The following BCR variants were observed in gnomAD, a reference collection of about 807,000 sequenced individuals.
BCR encodes breakpoint cluster region protein.
BCR carries 58 observed loss-of-function variants against 138.6 expected under a neutral mutation model. That is an observed-to-expected ratio of 0.42 (90% confidence interval 0.34 to 0.52). BCR has a LOEUF of 0.52. Among genes scored for constraint, BCR ranks in the 20% least tolerant of loss-of-function variants. The pLI, the probability that BCR is intolerant of heterozygous loss-of-function variation, is 0.06. For synonymous variants in BCR, 786 were observed against 730.1 expected (o/e 1.08, Z -1.23); for missense variants, 1,599 against 1,727.2 (o/e 0.93, Z 1.32).
chr22:23,238,775 C>T (rs185675478), intron 1 of BCR, among the ~76,000 whole-genome samples: 1 of 152,138 alleles, frequency 6.6e-6, no homozygotes, highest in East Asian at 1.9e-4. Context: ...GTGGGAATTA[C>T]AGACTACCCC....
chr22:23,245,076 C>T (rs868228623), intron 1 of BCR, among the ~76,000 whole-genome samples: 3 of 152,334 alleles, frequency 2.0e-5, no homozygotes, highest in South Asian at 2.1e-4. Context: ...CCCAGAAAAT[C>T]GCCAGCAAAG....
intron 12 of BCR, among the ~76,000 whole-genome samples, chr22:23,289,175 A>G (rs2073753921): frequency 6.6e-6 from 1 of 152,372 alleles, no homozygotes; most frequent in African/African-American, 2.4e-5. Flanking sequence ...GGGCAGAGCC[A>G]TGCTGCTGTC....
intron 7 of BCR, 46 bp from the exon 8 acceptor site, chr22:23,273,588 G>A (rs1295052576): frequency 1.2e-6 from 2 of 1,609,876 alleles, no homozygotes; most frequent in African/African-American, 2.7e-5. Flanking sequence ...AGTGGCAGGT[G>A]CCAGTGCTCC....
intron 1 of BCR, among the ~76,000 whole-genome samples, chr22:23,231,604 G>T (rs1003520796): frequency 1.3e-5 from 2 of 152,184 alleles, no homozygotes; most frequent in Admixed American, 6.5e-5. Context: ...AAGGCCCATG[G>T]ACTTGGGCCA....
chr22:23,206,024 T>TA (rs1271339547), intron 1 of BCR, among the ~76,000 whole-genome samples: 1 of 152,030 alleles, frequency 6.6e-6, no homozygotes, highest in African/African-American at 2.4e-5. Flanking sequence ...GCAGGTAGGG[T>TA]AGTCTTCCAA....
rs2073580769 is a variant in BCR at position 23,276,683 on chromosome 22, G to A, written c.2115+2909G>A. On this transcript the variant is annotated intron_variant, in intron 8 of 22. Coordinates refer to ENST00000305877, the MANE Select transcript of BCR (RefSeq NM_004327.4). The stretch of plus-strand genomic sequence containing the variant: ...TGATAGATGCCTGTGCTTTGCCCCT[G>A]CCCCTGCCATTCCTGGGGCAGATGC... Among the ~76,000 whole-genome samples, 6 of 152,362 alleles carry A rather than the reference G, an allele frequency of 3.9e-5. 1 individual carries two copies. In the South Asian group the frequency reaches 1.2e-3, roughly 32 times the overall value.
intron 1 of BCR, among the ~76,000 whole-genome samples, chr22:23,238,013 G>A (rs187655177): frequency 7.2e-5 from 11 of 152,174 alleles, no homozygotes; most frequent in Non-Finnish European, 1.0e-4. Context: ...TCTCAGTGCC[G>A]TTTCCTCCCT....
chr22:23,273,803 C>T (rs1489913009), intron 8 of BCR, 29 bp downstream of exon 8: 5 of 1,612,570 alleles, frequency 3.1e-6, no homozygotes, highest in Admixed American at 1.7e-5. Context: ...GGCTTGGGTC[C>T]ACCCATCCTG....
rs115531875 is a variant in BCR at position 23,199,378 on chromosome 22, C to T, written c.1279+17139C>T. 9.7e-4 allele frequency: 490 copies of T among 505,312 alleles called. 2 individuals carry two copies. The highest frequency in any genetic ancestry group is 8.8e-3 in the African/African-American group (455 of 51,450). The allele number at this position is 505,312 out of a possible 1,614,324, so 31.3% of individuals were successfully genotyped here. A position where few individuals can be genotyped will look rare whatever the true frequency, so the allele number is the denominator to read the frequency against. ...GTGAGCCCCGCGGTTGCTTATTTAT[C>T]CTGCTAAGGCCACAGTCTCAGGTTC... On this transcript the variant is annotated intron_variant, in intron 1 of 22. Coordinates refer to ENST00000305877, the MANE Select transcript of BCR (RefSeq NM_004327.4).
chr22:23,185,971 C>T (rs889353185), intron 1 of BCR, among the ~76,000 whole-genome samples: 5 of 151,438 alleles, frequency 3.3e-5, no homozygotes, highest in Admixed American at 2.6e-4. Flanking sequence ...CCTCGGGTTC[C>T]GCCCGCCTCA....
chr22:23,260,887 G>A lies in BCR; in HGVS notation c.1462-63G>A, dbSNP rs774846395. On this transcript the variant is annotated intron_variant, in intron 2 of 22. Coordinates refer to ENST00000305877, the MANE Select transcript of BCR (RefSeq NM_004327.4). ...ACAAGCTGGCCCTCCTCTCTCAGAG[G>A]GCCCTGATGGAAGAATCCCCCTACC... The A allele has an allele frequency of 3.5e-5, 51 of 1,469,958 alleles. No individual in the cohort carries two copies. The East Asian group carries it at 1.1e-3, about 31-fold the overall frequency. 91.1% of individuals were successfully genotyped at this position (1,469,958 alleles called of 1,614,324 possible).
chr22:23,265,692 A>G (rs2073433457), intron 4 of BCR, among the ~76,000 whole-genome samples: 1 of 152,242 alleles, frequency 6.6e-6, no homozygotes, highest in African/African-American at 2.4e-5. Flanking sequence ...GAGCTCTAGT[A>G]TAGCCTTCAT....
chr22:23,214,160 G>A (rs979630753), intron 1 of BCR, among the ~76,000 whole-genome samples: 34 of 151,620 alleles, frequency 2.2e-4, no homozygotes, highest in Non-Finnish European at 3.1e-4. Context: ...GACAGATAGC[G>A]GGAGAGGATG....
chr22:23,210,129 T>C (rs1408990381), intron 1 of BCR, among the ~76,000 whole-genome samples: 3 of 152,188 alleles, frequency 2.0e-5, no homozygotes, highest in Non-Finnish European at 4.4e-5. Flanking sequence ...TTTTCAAACA[T>C]CTTAAAGACT....
intron 2 of BCR, among the ~76,000 whole-genome samples, chr22:23,254,379 C>T (rs1033853332): frequency 7.2e-5 from 11 of 152,300 alleles, no homozygotes; most frequent in African/African-American, 2.4e-4. Flanking sequence ...TGGCTCCATC[C>T]ATGTGACCAG....
chr22:23,198,583 C>A (rs1346234723), intron 1 of BCR, among the ~76,000 whole-genome samples: 1 of 152,100 alleles, frequency 6.6e-6, no homozygotes, highest in Admixed American at 6.5e-5. Flanking sequence ...GTGGCTGTGG[C>A]GGCTGTTCCC....
chr22:23,200,726 T>G (rs1421460682), intron 1 of BCR, among the ~76,000 whole-genome samples: 1 of 151,702 alleles, frequency 6.6e-6, no homozygotes, highest in Admixed American at 6.6e-5. Flanking sequence ...GCCCAGCTAA[T>G]TTTTGTATTT....
chr22:23,253,667 C>T lies in BCR; in HGVS notation c.1280-132C>T, dbSNP rs2073258145. 9 of 1,042,906 alleles carry T rather than the reference C, an allele frequency of 8.6e-6. No homozygotes were observed. In the East Asian group the frequency reaches 2.1e-4, roughly 24 times the overall value. The allele number at this position is 1,042,906 out of a possible 1,614,324, so 64.6% of individuals were successfully genotyped here. A position where few individuals can be genotyped will look rare whatever the true frequency, so the allele number is the denominator to read the frequency against. ...GACCAGTCAGTTGTGAAGGGGACGT[C>T]AGCATACCCGAGGTCGTTGTGAGAT... On this transcript the variant is annotated intron_variant, in intron 1 of 22. Transcript: ENST00000305877.
chr22:23,308,780 CTG>C (rs2073975795), intron 16 of BCR, among the ~76,000 whole-genome samples: 1 of 152,204 alleles, frequency 6.6e-6, no homozygotes, highest in South Asian at 2.1e-4. Context: ...CCAGGACAGA[CTG>C]TGTTCGGGTG....
Sources: allele counts gnomAD v4.1 joint callset (sites outside exome capture counted in the v4.1 genomes callset), GRCh38; gene constraint gnomAD v4.1.1; transcripts MANE v1.5; gene names NCBI Gene and HGNC (gene_info 2026-07-23, HGNC 2026-07-21).